PCDHAC2: variants seen among roughly 807,000 people sequenced by gnomAD.
The protein encoded by PCDHAC2 is protocadherin alpha subfamily C, 2, also known as protocadherin alpha-C2.
In PCDHAC2, 24 loss-of-function variants were observed where a neutral mutation model predicts 63.3. That is an observed-to-expected ratio of 0.38 (90% CI 0.27 to 0.53). The LOEUF is 0.53. PCDHAC2 is among the 20% of genes least tolerant of loss of function. The pLI is 0.81. For synonymous variants in PCDHAC2, 569 were observed against 529.4 expected (o/e 1.07, Z -1.03); for missense variants, 1,181 against 1,275.2 (o/e 0.93, Z 1.12).
At position 141,011,912 on chromosome 5, in the gene PCDHAC2, T is replaced by C. The variant is rs573561005; in HGVS notation, c.*1975T>C. ...ATTATATTATCTATTTAGGCATTAA[T>C]ATAAAAGAGGTAGGAGTCTGTTATT... On this transcript the variant is annotated 3_prime_UTR_variant, in exon 4 of 4. Coordinates refer to ENST00000289269, the MANE Select transcript of PCDHAC2 (RefSeq NM_018899.6). 4 of 153,808 alleles carry C rather than the reference T, an allele frequency of 2.6e-5. No individual in the cohort carries two copies. In the South Asian group the frequency reaches 8.3e-4, roughly 32 times the overall value. 9.5% of individuals were successfully genotyped at this position (153,808 alleles called of 1,614,324 possible).
chr5:141,007,256 G>A (rs1412168610), intron 3 of PCDHAC2, among the ~76,000 whole-genome samples: 1 of 152,034 alleles, frequency 6.6e-6, no homozygotes, highest in Non-Finnish European at 1.5e-5. Flanking sequence ...CAAGTTAAAA[G>A]AAGCAGATAC....
intron 3 of PCDHAC2, among the ~76,000 whole-genome samples, chr5:140,996,144 T>C (rs2097714056): frequency 6.6e-6 from 1 of 152,210 alleles, no homozygotes; most frequent in African/African-American, 2.4e-5. Context: ...TCCCATTATC[T>C]TGCCTTCCTT....
intron 3 of PCDHAC2, 57 bp downstream of exon 3, chr5:140,982,620 C>T: frequency 2.5e-6 from 4 of 1,588,470 alleles, no homozygotes. Flanking sequence ...ATCAGATGAC[C>T]TACTTTTGTA....
At chr5:140,982,391 G>T (rs539713475) in intron 2 of PCDHAC2, 84 bp from the exon 3 acceptor site, 2 of 1,597,556 alleles carry the variant, frequency 1.3e-6, no homozygotes, top group South Asian at 1.1e-5. Flanking sequence ...TGGCTTCATA[G>T]TTGTAAGCAA....
chr5:140,991,482 G>A (rs781952323), intron 3 of PCDHAC2, among the ~76,000 whole-genome samples: 3 of 152,204 alleles, frequency 2.0e-5, no homozygotes, highest in Non-Finnish European at 4.4e-5. Flanking sequence ...CTGGAAGTCA[G>A]AAGTCCACAG....
chr5:140,968,000 C>T lies in PCDHAC2; in HGVS notation c.1234C>T (p.Leu412=). The T allele has an allele frequency of 1.2e-6, 2 of 1,614,234 alleles. No homozygotes were observed. The highest frequency in any genetic ancestry group is 8.5e-7 in the Non-Finnish European group (1 of 1,180,034). ...TCTGGAGGCCACACTGCCTTTCCGA[C>T]TGAATGGCTTTGGAAACTCCTATAC... The part of the protein sequence containing the change: ...LGLEATLPFR[L]NGFGNSYTLV... Residue 412 remains leucine, a synonymous_variant, in exon 1 of 4, where the codon CTG becomes TTG. Transcript: ENST00000289269.
intron 3 of PCDHAC2, among the ~76,000 whole-genome samples, chr5:140,988,057 C>G (rs557714672): frequency 2.0e-4 from 30 of 152,188 alleles, no homozygotes; most frequent in Non-Finnish European, 3.7e-4. Context: ...GCACTGTCAA[C>G]ATGAATTTTT....
intron 3 of PCDHAC2, among the ~76,000 whole-genome samples, chr5:140,998,104 G>A (rs1554256160): frequency 6.6e-6 from 1 of 152,132 alleles, no homozygotes; most frequent in African/African-American, 2.4e-5. Context: ...GCAAACAGAG[G>A]AGAAAATTTA....
intron 3 of PCDHAC2, among the ~76,000 whole-genome samples, chr5:140,992,328 A>G (rs2097505285): frequency 6.6e-6 from 1 of 152,150 alleles, no homozygotes; most frequent in South Asian, 2.1e-4. Flanking sequence ...CTTTTCTAAG[A>G]GCAAAGATGG....
chr5:141,000,639 G>T (rs1375900945), intron 3 of PCDHAC2, among the ~76,000 whole-genome samples: 1 of 151,186 alleles, frequency 6.6e-6, no homozygotes, highest in Non-Finnish European at 1.5e-5. Context: ...TGTTGGGCAG[G>T]CTGGTCTCGA....
chr5:141,010,403 G>T lies in PCDHAC2; in HGVS notation c.*466G>T. ...ATATTGGCTGAGACGAGCCAGCTTA[G>T]ACTAATTGGTACAAGGAAGGCAAGA... On this transcript the variant is annotated 3_prime_UTR_variant, in exon 4 of 4. Transcript: ENST00000289269. 2 of 1,285,614 alleles carry T rather than the reference G, an allele frequency of 1.6e-6. No individual in the cohort carries two copies. Among genetic ancestry groups the T allele is most frequent in the Non-Finnish European group, 2.1e-6 (2 of 956,000 alleles). The allele number at this position is 1,285,614 out of a possible 1,614,324, so 79.6% of individuals were successfully genotyped here. A position where few individuals can be genotyped will look rare whatever the true frequency, so the allele number is the denominator to read the frequency against.
Position 140,968,989 on chromosome 5 carries a change from C to T in PCDHAC2, c.2223C>T (p.Cys741=). The change falls in exon 1 of 4, where the codon TGC becomes TGT. Residue 741 remains cysteine (C), a synonymous_variant. Transcript: ENST00000289269. ...GCTACACTGCGTATGGCACTGCATG[C>T]TGTGGAGGCTTCTGTGGAGTAAGGG... The part of the protein sequence containing the change: ...CYRYTAYGTA[C]CGGFCGVRER... The T allele has an allele frequency of 6.2e-7, 1 of 1,614,234 alleles. No individual in the cohort carries two copies. Among genetic ancestry groups the T allele is most frequent in the Non-Finnish European group, 8.5e-7 (1 of 1,180,046 alleles).
rs868965340 is a variant in PCDHAC2, at chr5:141,007,276, G to A, written c.2714-2351G>A. On this transcript the variant is annotated intron_variant, in intron 3 of 3. Transcript: ENST00000289269. ...TAAAAGAAGCAGATACAGGCTGGGT[G>A]CAGTGGGCTCATGCCTGTAATCTTA... Among the ~76,000 whole-genome samples the A allele has an allele frequency of 3.3e-5, 5 of 151,858 alleles. No homozygotes were observed. In the South Asian group the frequency reaches 8.3e-4, roughly 25 times the overall value.
chr5:141,006,157 A>G (rs2098258108), intron 3 of PCDHAC2, among the ~76,000 whole-genome samples: 1 of 150,182 alleles, frequency 6.7e-6, no homozygotes, highest in Non-Finnish European at 1.5e-5. Context: ...GGAGTGATAT[A>G]ATCTGATTTA....
chr5:140,982,677 C>T, intron 3 of PCDHAC2, 114 bp downstream of exon 3: 1 of 1,439,238 alleles, frequency 6.9e-7, no homozygotes, highest in Non-Finnish European at 9.1e-7. Flanking sequence ...TTTTGTTATT[C>T]CCTTTTTTCC....
At chr5:140,986,397 C>T (rs943993265) in intron 3 of PCDHAC2, among the ~76,000 whole-genome samples, 8 of 152,280 alleles carry the variant, frequency 5.3e-5, no homozygotes, top group Admixed American at 3.9e-4. Flanking sequence ...AAGGGCCAGT[C>T]GCTCATGTTA....
At chr5:141,005,467 GC>G (rs1463928635) in intron 3 of PCDHAC2, among the ~76,000 whole-genome samples, 1 of 151,982 alleles carries the variant, frequency 6.6e-6, no homozygotes, top group Non-Finnish European at 1.5e-5. Context: ...ACTTTGGGAG[GC>G]CGAGACGGGC....
chr5:140,987,005 T>C (rs1587197864), intron 3 of PCDHAC2, among the ~76,000 whole-genome samples: 1 of 152,008 alleles, frequency 6.6e-6, no homozygotes. Context: ...CTTGAGGTCA[T>C]GAGTTCGAGA....
chr5:140,976,244 A>G (rs996854178), intron 1 of PCDHAC2, among the ~76,000 whole-genome samples: 1 of 152,160 alleles, frequency 6.6e-6, no homozygotes, highest in Non-Finnish European at 1.5e-5. Context: ...CATTTCATGT[A>G]AATTTATTTA....
Sources: allele counts gnomAD v4.1 joint callset (sites outside exome capture counted in the v4.1 genomes callset), GRCh38; gene constraint gnomAD v4.1.1; transcripts MANE v1.5; gene names NCBI Gene and HGNC (gene_info 2026-07-23, HGNC 2026-07-21).